Variants in MTUS2 observed in about 807,000 individuals in gnomAD.
MTUS2 encodes microtubule-associated tumor suppressor candidate 2.
In MTUS2, 40 loss-of-function variants were observed where a neutral mutation model predicts 114.1. That is an observed-to-expected ratio of 0.35 (90% confidence interval 0.27 to 0.46). MTUS2 has a LOEUF of 0.46. Among genes scored for constraint, MTUS2 ranks in the 20% least tolerant of loss-of-function variants. The pLI, the probability that MTUS2 is intolerant of heterozygous loss-of-function variation, is 1.00. For missense variants in MTUS2, 1,679 were observed against 1,705.4 expected, an observed-to-expected ratio of 0.98 and a Z score of 0.27; for synonymous variants, 688 against 672.0, an observed-to-expected ratio of 1.02 and a Z score of -0.37.
At chr13:29,233,074 A>C (rs1214212178) in intron 5 of MTUS2, among the ~76,000 whole-genome samples, 1 of 152,182 alleles carries the variant, frequency 6.6e-6, no homozygotes, top group Non-Finnish European at 1.5e-5. Context: ...AGTAAATACC[A>C]TGTGAAATTA....
At chr13:28,859,180 C>T (rs1484711785) in intron 2 of MTUS2, among the ~76,000 whole-genome samples, 2 of 152,108 alleles carry the variant, frequency 1.3e-5, no homozygotes, top group East Asian at 1.9e-4. Context: ...AAGTTGAGGC[C>T]TAGTGGGGCT....
Position 28,936,903 on chromosome 13 carries a change from T to C in MTUS2, c.-242-87554T>C, listed in dbSNP as rs931488785. ...AAAATGGTGTGTGGCTTCTGCTACT[T>C]GGGAGTTCCGGTTTGTTCCTTTGTG... On this transcript the variant is annotated intron_variant, in intron 2 of 15. Coordinates refer to ENST00000612955, the MANE Select transcript of MTUS2 (RefSeq NM_001033602.4). Among the ~76,000 whole-genome samples, 5 of 152,194 alleles carry C rather than the reference T, an allele frequency of 3.3e-5. No homozygotes were observed. In the East Asian group the frequency reaches 5.8e-4, roughly 18 times the overall value.
chr13:28,911,171 TG>T (rs1276808537), intron 2 of MTUS2, among the ~76,000 whole-genome samples: 1 of 131,620 alleles, frequency 7.6e-6, no homozygotes, highest in African/African-American at 3.0e-5. Flanking sequence ...CACTGCGCCC[TG>T]CTTTTTTTTT....
intron 1 of MTUS2, among the ~76,000 whole-genome samples, chr13:28,821,671 C>T (rs1873912563): frequency 6.6e-6 from 1 of 152,222 alleles, no homozygotes; most frequent in Non-Finnish European, 1.5e-5. Flanking sequence ...ACCTTGATAC[C>T]TGTAATGTTA....
At position 29,100,903 on chromosome 13, in the gene MTUS2, C is replaced by T. The variant is rs769215318; in HGVS notation, c.2577C>T (p.Ser859=). Residue 859 remains serine (S), a synonymous_variant, in exon 5 of 16, where the codon AGC becomes AGT. Transcript: ENST00000612955. ...CATTTGGCTTTGTCCGGAGCTCCAG[C>T]GTCTCCTCAGTCTCCAGCACCCAGT... ...LAAFGFVRSS[S]VSSVSSTQSG... is the part of the protein sequence containing the mutation. 23 of 1,572,614 alleles carry T rather than the reference C, an allele frequency of 1.5e-5. No individual in the cohort carries two copies. The highest frequency in any genetic ancestry group is 1.7e-4 in the Middle Eastern group (1 of 6,046).
intron 2 of MTUS2, among the ~76,000 whole-genome samples, chr13:28,854,504 C>G (rs551252742): frequency 6.6e-6 from 1 of 152,144 alleles, no homozygotes; most frequent in African/African-American, 2.4e-5. Context: ...TGCCTTTTCC[C>G]CTCTGCGTTG....
At position 29,316,531 on chromosome 13, in the gene MTUS2, C is replaced by G. The variant is rs947345334; in HGVS notation, c.2807-8082C>G. ...GACTCTCTTCTAAGCTTTCTCACCC[C>G]TGCCCCTTGCTTCTTTCCTTCAAAT... On this transcript the variant is annotated intron_variant, in intron 6 of 15. Coordinates refer to ENST00000612955, the MANE Select transcript of MTUS2 (RefSeq NM_001033602.4). Among the ~76,000 whole-genome samples the G allele has an allele frequency of 2.0e-5, 3 of 152,188 alleles. No homozygotes were observed. The South Asian group carries it at 6.2e-4, about 32-fold the overall frequency.
At chr13:28,999,117 C>T (rs140879264) in intron 2 of MTUS2, among the ~76,000 whole-genome samples, 2,694 of 152,248 alleles carry the variant, frequency 0.018, 81 homozygotes, top group African/African-American at 0.061. Flanking sequence ...CAGTCAGGAC[C>T]CTCAGCTGCA....
intron 2 of MTUS2, among the ~76,000 whole-genome samples, chr13:28,883,179 G>A (rs1165198084): frequency 1.3e-5 from 2 of 152,154 alleles, no homozygotes; most frequent in Admixed American, 1.3e-4. Flanking sequence ...CAGAAATCCT[G>A]GATCACTGAT....
chr13:29,441,161 C>G (rs1555279202), intron 9 of MTUS2, among the ~76,000 whole-genome samples: 1 of 152,122 alleles, frequency 6.6e-6, no homozygotes, highest in Non-Finnish European at 1.5e-5. Flanking sequence ...GACCCTGCTA[C>G]TGCTGCAGGG....
Position 28,962,952 on chromosome 13 carries a change from C to A in MTUS2, c.-242-61505C>A, listed in dbSNP as rs192342725. ...TCTATCCTGCACCATCAGTATCCCC[C>A]CTTTCTACTCTATCATTTCCAAACA... On this transcript the variant is annotated intron_variant, in intron 2 of 15. Coordinates refer to ENST00000612955, the MANE Select transcript of MTUS2 (RefSeq NM_001033602.4). 7.2e-5 allele frequency among the ~76,000 whole-genome samples: 11 copies of A among 152,264 alleles called. No individual in the cohort carries two copies. In the East Asian group the frequency reaches 2.1e-3, roughly 29 times the overall value.
chr13:28,960,615 G>A (rs78371501), intron 2 of MTUS2, among the ~76,000 whole-genome samples: 4,818 of 152,278 alleles, frequency 0.032, 124 homozygotes, highest in Non-Finnish European at 0.05. Flanking sequence ...GTCACATGTT[G>A]TATGATTCCA....
Position 29,501,138 on chromosome 13 carries a change from C to G in MTUS2, c.3840C>G (p.Leu1280=). The change falls in exon 15 of 16, where the codon CTC becomes CTG. Residue 1280 remains leucine, a synonymous_variant. Coordinates refer to ENST00000612955, the MANE Select transcript of MTUS2 (RefSeq NM_001033602.4). ...NIILEEKIQV[L]QQQNEDLKAR... ...TCCTAGAAGAAAAGATCCAGGTTCT[C>G]CAACAGCAGAACGAAGACCTCAAAG... 1 of 1,614,140 alleles carries G rather than the reference C, an allele frequency of 6.2e-7. No homozygotes were observed. The highest frequency in any genetic ancestry group is 8.5e-7 in the Non-Finnish European group (1 of 1,180,014).
intron 9 of MTUS2, among the ~76,000 whole-genome samples, chr13:29,467,465 C>T (rs1879968311): frequency 6.6e-6 from 1 of 152,132 alleles, no homozygotes; most frequent in African/African-American, 2.4e-5. Context: ...GGATGGCCCC[C>T]ATGTAGTGTA....
At chr13:28,940,397 GAA>G (rs1167286811) in intron 2 of MTUS2, among the ~76,000 whole-genome samples, 5 of 152,274 alleles carry the variant, frequency 3.3e-5, no homozygotes, top group Middle Eastern at 3.4e-3. Flanking sequence ...CATTTATATG[GAA>G]TATACAAAAT....
intron 2 of MTUS2, among the ~76,000 whole-genome samples, chr13:29,003,207 C>G (rs1291125097): frequency 3.9e-5 from 6 of 152,102 alleles, no homozygotes; most frequent in Non-Finnish European, 7.3e-5. Context: ...CCTAACACTT[C>G]TAAGCCTTTT....
At chr13:29,253,080 T>G (rs1377063063) in intron 5 of MTUS2, among the ~76,000 whole-genome samples, 1 of 47,486 alleles carries the variant, frequency 2.1e-5, no homozygotes, top group Non-Finnish European at 3.5e-5. Flanking sequence ...ATTTTTGGCC[T>G]TTTTTTTTTT....
chr13:29,472,127 C>T (rs529271991), intron 9 of MTUS2, among the ~76,000 whole-genome samples: 3 of 152,120 alleles, frequency 2.0e-5, no homozygotes, highest in African/African-American at 4.8e-5. Flanking sequence ...CGAGTTCAAG[C>T]GATTCTCCTG....
intron 4 of MTUS2, among the ~76,000 whole-genome samples, chr13:29,041,764 T>C (rs2475542): frequency 0.96 from 145,490 of 152,224 alleles, 69,629 homozygotes; most frequent in South Asian, 0.98. Context: ...TTATTTTCAG[T>C]TTGGTTGCTG....
Sources: allele counts gnomAD v4.1 joint callset (sites outside exome capture counted in the v4.1 genomes callset), GRCh38; gene constraint gnomAD v4.1.1; transcripts MANE v1.5; gene names NCBI Gene and HGNC (gene_info 2026-07-23, HGNC 2026-07-21).